BLK: variants seen among roughly 807,000 people sequenced by gnomAD.
The protein encoded by BLK is BLK proto-oncogene, Src family tyrosine kinase, also known as tyrosine-protein kinase Blk.
Under a neutral mutation model 61.8 loss-of-function variants are expected in BLK, and 64 were observed. The observed-to-expected ratio is 1.03, with a 90% confidence interval of 0.85 to 1.27. BLK has a LOEUF of 1.27. Among genes scored for constraint, BLK ranks in the 50% most tolerant of loss-of-function variants. BLK has a pLI of 0.00. For missense variants in BLK, 853 were observed against 660.5 expected (o/e 1.29, Z -3.19); for synonymous variants, 351 against 272.0 (o/e 1.29, Z -2.86).
chr8:11,504,481 CAGA>C (rs1279651482), intron 1 of BLK, among the ~76,000 whole-genome samples: 2 of 152,120 alleles, frequency 1.3e-5, no homozygotes, highest in African/African-American at 2.4e-5. Flanking sequence ...GAAAGGGCCA[CAGA>C]AGAAGAAGTA....
rs373519246 is a variant in BLK, at chr8:11,546,012, C to G, written c.124-40C>G. 26 of 1,607,452 alleles carry G rather than the reference C, an allele frequency of 1.6e-5. No homozygotes were observed. The African/African-American group carries it at 2.7e-4, about 17-fold the overall frequency. ...CAACCCCCAGGCCCCACCCACGCAG[C>G]AGGGACTGAAATAACTCAAGTGTGT... On this transcript the variant is annotated intron_variant, in intron 2 of 12. Coordinates refer to ENST00000259089, the MANE Select transcript of BLK (RefSeq NM_001715.3).
intron 6 of BLK, among the ~76,000 whole-genome samples, chr8:11,553,897 CACA>C (rs1354407552): frequency 1.7e-4 from 26 of 152,130 alleles, no homozygotes; most frequent in Non-Finnish European, 5.9e-5. Context: ...ACCAAGCGTC[CACA>C]ACGAGAACGA....
intron 1 of BLK, among the ~76,000 whole-genome samples, chr8:11,521,718 C>T (rs986474358): frequency 2.0e-5 from 3 of 152,206 alleles, no homozygotes; most frequent in Admixed American, 6.5e-5. Context: ...GCCCTGGAGA[C>T]GCACAGTGCC....
At chr8:11,544,106 G>T (rs1303901750) in intron 2 of BLK, among the ~76,000 whole-genome samples, 1 of 152,040 alleles carries the variant, frequency 6.6e-6, no homozygotes, top group Non-Finnish European at 1.5e-5. Flanking sequence ...GGAATCACAG[G>T]CACACATGCC....
intron 3 of BLK, 25 bp from the exon 4 acceptor site, chr8:11,548,007 G>A (rs374187873): frequency 1.9e-6 from 3 of 1,605,094 alleles, no homozygotes; most frequent in Non-Finnish European, 2.6e-6. Context: ...CTGAGTGGTG[G>A]TCATCTCTCC....
At chr8:11,536,217 T>C (rs1015211467) in intron 1 of BLK, among the ~76,000 whole-genome samples, 2 of 152,134 alleles carry the variant, frequency 1.3e-5, no homozygotes, top group Admixed American at 1.3e-4. Flanking sequence ...ATGCAAAATA[T>C]GGGGTGGTGA....
intron 1 of BLK, among the ~76,000 whole-genome samples, chr8:11,526,120 G>C (rs1799643558): frequency 6.6e-6 from 1 of 152,148 alleles, no homozygotes; most frequent in African/African-American, 2.4e-5. Flanking sequence ...ACAACTTCAA[G>C]AAATACTAAT....
chr8:11,499,310 T>A (rs1242325593), intron 1 of BLK, among the ~76,000 whole-genome samples: 2 of 152,214 alleles, frequency 1.3e-5, no homozygotes, highest in Non-Finnish European at 2.9e-5. Flanking sequence ...CCATCTAAGT[T>A]TTGTATACGA....
intron 1 of BLK, among the ~76,000 whole-genome samples, chr8:11,496,342 C>T (rs1258186011): frequency 2.0e-5 from 3 of 152,128 alleles, no homozygotes; most frequent in Admixed American, 6.5e-5. Flanking sequence ...TGGGCTCAAG[C>T]GATCCTCCCA....
chr8:11,550,757 A>C lies in BLK; in HGVS notation c.472+495A>C, dbSNP rs116593928. 7.0e-3 allele frequency among the ~76,000 whole-genome samples: 1,060 copies of C among 152,376 alleles called. 12 individuals are homozygous for C. Among genetic ancestry groups the C allele is most frequent in the African/African-American group, 0.024 (987 of 41,596 alleles). On this transcript the variant is annotated intron_variant, in intron 6 of 12. Transcript: ENST00000259089. The stretch of plus-strand genomic sequence containing the variant: ...GCCAGTCTAGACACTCATGAGTTCA[A>C]ATCCACTGACTGAGCAAAACAGCTG...
intron 1 of BLK, among the ~76,000 whole-genome samples, chr8:11,503,675 C>T (rs921847644): frequency 6.6e-6 from 1 of 152,156 alleles, no homozygotes. Flanking sequence ...AGGGCTGAGA[C>T]TTGCAAGGAG....
chr8:11,533,846 T>C (rs1042274498), intron 1 of BLK, among the ~76,000 whole-genome samples: 2 of 152,250 alleles, frequency 1.3e-5, no homozygotes, highest in Non-Finnish European at 2.9e-5. Context: ...AATGTTTGTA[T>C]GGAGGACAGA....
chr8:11,514,887 C>A (rs139151006), intron 1 of BLK, among the ~76,000 whole-genome samples: 4 of 152,276 alleles, frequency 2.6e-5, no homozygotes, highest in Non-Finnish European at 5.9e-5. Flanking sequence ...CTGATCCAAC[C>A]CACCAGTCAG....
intron 1 of BLK, among the ~76,000 whole-genome samples, chr8:11,501,328 C>T (rs1798551205): frequency 6.7e-6 from 1 of 150,228 alleles, no homozygotes; most frequent in South Asian, 2.1e-4. Flanking sequence ...TTATTTGGTG[C>T]TTTATGGGAA....
intron 1 of BLK, among the ~76,000 whole-genome samples, chr8:11,527,015 C>A (rs1352735107): frequency 6.6e-6 from 1 of 152,124 alleles, no homozygotes; most frequent in Non-Finnish European, 1.5e-5. Context: ...ATCCTTATTT[C>A]TTATAACTCA....
intron 1 of BLK, among the ~76,000 whole-genome samples, chr8:11,494,807 C>G (rs1798305307): frequency 6.6e-6 from 1 of 152,200 alleles, no homozygotes; most frequent in South Asian, 2.1e-4. Context: ...AAAAGGTCAT[C>G]CATCCAGGGT....
At chr8:11,554,428 T>C (rs759226518) in intron 6 of BLK, among the ~76,000 whole-genome samples, 5 of 152,004 alleles carry the variant, frequency 3.3e-5, no homozygotes, top group Non-Finnish European at 7.4e-5. Flanking sequence ...GGTCCCCGAG[T>C]GACCAGATGC....
At position 11,564,268 on chromosome 8, in the gene BLK, A is replaced by C; in HGVS notation, c.*160A>C. 1.1e-6 allele frequency: 1 copy of C among 882,480 alleles called. No individual in the cohort carries two copies. Among genetic ancestry groups the C allele is most frequent in the African/African-American group, 1.7e-5 (1 of 60,372 alleles). The allele number at this position is 882,480 out of a possible 1,614,324, so 54.7% of individuals were successfully genotyped here. On this transcript the variant is annotated 3_prime_UTR_variant, in exon 13 of 13. Transcript: ENST00000259089. ...AGCTTCGCAGGGGGTCCCCGGACGG[A>C]CTCCTTCACCGACTGCACCCCCGGG...
At chr8:11,556,888 C>G (rs370144674) in intron 9 of BLK, 51 bp downstream of exon 9, 3 of 1,505,678 alleles carry the variant, frequency 2.0e-6, no homozygotes, top group Middle Eastern at 2.0e-4. Flanking sequence ...GAGGGCCGGG[C>G]TTAGCAGGAG....
Sources: allele counts gnomAD v4.1 joint callset (sites outside exome capture counted in the v4.1 genomes callset), GRCh38; gene constraint gnomAD v4.1.1; transcripts MANE v1.5; gene names NCBI Gene and HGNC (gene_info 2026-07-23, HGNC 2026-07-21).